TENM3: variants seen among roughly 807,000 people sequenced by gnomAD.
TENM3 encodes teneurin-3.
TENM3 carries 63 observed loss-of-function variants against 255.1 expected under a neutral mutation model. The observed-to-expected ratio is 0.25, with a 90% CI of 0.20 to 0.30. TENM3 has a LOEUF of 0.30. Among genes scored for constraint, TENM3 ranks in the 10% least tolerant of loss-of-function variants. The pLI is 1.00. For synonymous variants in TENM3, 1,306 were observed against 1,322.3 expected, an observed-to-expected ratio of 0.99 and a Z score of 0.27; for missense variants, 2,929 against 3,461.1, an observed-to-expected ratio of 0.85 and a Z score of 3.86.
chr4:181,597,571 C>G, the TENM3 span, among the ~76,000 whole-genome samples: 2 of 151,916 alleles, frequency 1.3e-5, no homozygotes, highest in Non-Finnish European at 2.9e-5. Context: ...TATTCCTTAA[C>G]AGTTGTCTAT....
At chr4:182,070,556 G>T in the TENM3 span, among the ~76,000 whole-genome samples, 1,053 of 152,298 alleles carry the variant, frequency 6.9e-3, 6 homozygotes, top group Non-Finnish European at 9.2e-3. Context: ...GGTGGAGGAT[G>T]CAGTGAGCTG....
chr4:181,927,009 G>A, the TENM3 span, among the ~76,000 whole-genome samples: 2,399 of 152,176 alleles, frequency 0.016, 61 homozygotes, highest in African/African-American at 0.054. Flanking sequence ...CATGGTCTTC[G>A]CAACCCACAG....
At chr4:181,488,884 C>A in the TENM3 span, among the ~76,000 whole-genome samples, 212 of 152,240 alleles carry the variant, frequency 1.4e-3, 1 homozygote, top group African/African-American at 4.9e-3. Context: ...ATGGTATTTG[C>A]CTCGTCACGA....
At chr4:181,591,064 C>T in the TENM3 span, among the ~76,000 whole-genome samples, 2 of 152,336 alleles carry the variant, frequency 1.3e-5, no homozygotes, top group East Asian at 3.9e-4. Flanking sequence ...CTTATGCAAC[C>T]TTTGGTTAAT....
the TENM3 span, among the ~76,000 whole-genome samples, chr4:182,103,997 A>T: frequency 2.6e-5 from 4 of 152,318 alleles, no homozygotes; most frequent in East Asian, 7.7e-4. Context: ...TCAATCAGGT[A>T]AAAGGATGAG....
At chr4:181,856,133 G>GAAGGAAAGGAAGAAGGAAGGA in the TENM3 span, among the ~76,000 whole-genome samples, 2 of 132,438 alleles carry the variant, frequency 1.5e-5, no homozygotes, top group Admixed American at 1.5e-4. Context: ...AGGAAAGAAG[G>GAAGGAAAGGAAGAAGGAAGGA]AAGAAGGAAG....
At chr4:181,795,265 G>A in the TENM3 span, among the ~76,000 whole-genome samples, 2 of 151,836 alleles carry the variant, frequency 1.3e-5, no homozygotes, top group African/African-American at 4.8e-5. Flanking sequence ...CAGCATCAAG[G>A]TGCTGGCTGA....
chr4:181,553,184 A>G, the TENM3 span, among the ~76,000 whole-genome samples: 1 of 151,804 alleles, frequency 6.6e-6, no homozygotes, highest in Non-Finnish European at 1.5e-5. Flanking sequence ...TGTATCTTAG[A>G]TCCTGAAGAT....
intron 3 of TENM3, among the ~76,000 whole-genome samples, chr4:182,598,051 T>C (rs1265284999): frequency 6.6e-6 from 1 of 152,168 alleles, no homozygotes; most frequent in Non-Finnish European, 1.5e-5. Flanking sequence ...AGGTGGCTCA[T>C]GCCTGTGATC....
the TENM3 span, among the ~76,000 whole-genome samples, chr4:181,782,685 C>A: frequency 6.6e-6 from 1 of 152,048 alleles, no homozygotes; most frequent in Non-Finnish European, 1.5e-5. Context: ...TTTGCTCTTG[C>A]TTCTCTAGTT....
intron 22 of TENM3, among the ~76,000 whole-genome samples, chr4:182,761,817 GTTTAT>G (rs897517577): frequency 9.9e-5 from 15 of 152,066 alleles, no homozygotes; most frequent in Non-Finnish European, 1.6e-4. Context: ...GAATCAAATA[GTTTAT>G]TTCTATTTTT....
the TENM3 span, chr4:181,522,786 G>C: frequency 1.2e-6 from 1 of 805,540 alleles, no homozygotes; most frequent in East Asian, 2.6e-5. Flanking sequence ...ACTGGATCTG[G>C]ATCCTGGTCA....
intron 6 of TENM3, among the ~76,000 whole-genome samples, chr4:182,657,230 A>G (rs1004408106): frequency 6.6e-6 from 1 of 152,132 alleles, no homozygotes; most frequent in African/African-American, 2.4e-5. Context: ...CTATCTCCTG[A>G]CTTTCCAAAT....
At chr4:181,641,805 CATATAT>C in the TENM3 span, among the ~76,000 whole-genome samples, 643 of 31,430 alleles carry the variant, frequency 0.02, 12 homozygotes, top group Middle Eastern at 0.071. Flanking sequence ...ACACACACAC[CATATAT>C]ATATATATAT....
At chr4:182,534,750 T>C (rs1028328858) in intron 3 of TENM3, among the ~76,000 whole-genome samples, 1 of 152,208 alleles carries the variant, frequency 6.6e-6, no homozygotes, top group African/African-American at 2.4e-5. Flanking sequence ...CTTGCAGAGA[T>C]ATTGAACAAC....
chr4:181,653,743 C>T, the TENM3 span, among the ~76,000 whole-genome samples: 6 of 146,370 alleles, frequency 4.1e-5, no homozygotes, highest in African/African-American at 1.0e-4. Context: ...AGGTGCAGAA[C>T]GTGCAGGTTT....
chr4:181,626,753 A>G, the TENM3 span, among the ~76,000 whole-genome samples: 10,128 of 152,276 alleles, frequency 0.067, 459 homozygotes, highest in East Asian at 0.14. Flanking sequence ...GATTTGAAGG[A>G]AACAAATATG....
intron 3 of TENM3, among the ~76,000 whole-genome samples, chr4:182,360,779 T>C (rs546027270): frequency 6.6e-6 from 1 of 152,118 alleles, no homozygotes; most frequent in Non-Finnish European, 1.5e-5. Flanking sequence ...GTTAGCTGGT[T>C]ATTTTGCTCG....
chr4:181,724,455 G>C, the TENM3 span, among the ~76,000 whole-genome samples: 1 of 151,662 alleles, frequency 6.6e-6, no homozygotes, highest in African/African-American at 2.4e-5. Context: ...ATACTATTGA[G>C]TTTTTCATTT....
Sources: allele counts gnomAD v4.1 joint callset (sites outside exome capture counted in the v4.1 genomes callset), GRCh38; gene constraint gnomAD v4.1.1; transcripts MANE v1.5; gene names NCBI Gene and HGNC (gene_info 2026-07-23, HGNC 2026-07-21).